The following IPO5 variants were observed in gnomAD, a reference collection of about 807,000 sequenced individuals.
The protein encoded by IPO5 is importin 5.
IPO5 carries 18 observed loss-of-function variants against 143.3 expected under a neutral mutation model. The observed-to-expected ratio is 0.13, with a 90% CI of 0.09 to 0.19. The LOEUF (loss-of-function observed/expected upper bound fraction) is 0.19. IPO5 is among the 10% of genes least tolerant of loss of function. The pLI is 1.00. For missense variants in IPO5, 1,013 were observed against 1,336.9 expected (o/e 0.76, Z 3.78); for synonymous variants, 477 against 465.7 (o/e 1.02, Z -0.31).
rs749524307 is a variant in IPO5 at position 98,002,495 on chromosome 13, G to A, written c.1137G>A (p.Leu379=). 1 of 1,614,072 alleles carries A rather than the reference G, an allele frequency of 6.2e-7. No individual in the cohort carries two copies. Among genetic ancestry groups the A allele is most frequent in the South Asian group, 1.1e-5 (1 of 91,070 alleles). ...NPDWKYRHAG[L]MALSAIGEGC... ...ACTGGAAATACCGGCATGCAGGATT[G>A]ATGGCCTTATCTGCCATTGGTGAAG... The change falls in exon 14 of 29, where the codon TTG becomes TTA. Residue 379 remains leucine (L), a synonymous_variant. Coordinates refer to ENST00000651721, the MANE Select transcript of IPO5 (RefSeq NM_002271.6).
intron 18 of IPO5, 128 bp downstream of exon 18, chr13:98,008,270 T>C: frequency 1.7e-6 from 1 of 588,002 alleles, no homozygotes; most frequent in Middle Eastern, 2.6e-4. Flanking sequence ...GCAGAGACAT[T>C]CTTCACTGAT....
At chr13:98,013,975 T>C in intron 21 of IPO5, 67 bp from the exon 22 acceptor site, 1 of 1,389,036 alleles carries the variant, frequency 7.2e-7, no homozygotes, top group Non-Finnish European at 9.8e-7. Context: ...CTCCTTTTAG[T>C]GCATTGAACC....
Position 98,006,189 on chromosome 13 carries a change from T to C in IPO5, c.1557T>C (p.Val519=). Residue 519 remains valine, a synonymous_variant, in exon 17 of 29, where the codon GTT becomes GTC. Transcript: ENST00000651721. ...AAGTTGTGACATCCATTGCATCAGT[T>C]GCCGATACTGCAGAAGAAAAATTTG... ...LEQVVTSIAS[V]ADTAEEKFVP... 6.2e-7 allele frequency: 1 copy of C among 1,613,952 alleles called. No homozygotes were observed. The highest frequency in any genetic ancestry group is 8.5e-7 in the Non-Finnish European group (1 of 1,179,942).
rs753669810 is a variant in IPO5 at position 98,014,265 on chromosome 13, T to G, written c.2325+51T>G. Reference sequence around the variant, plus strand: ...TGTATAAGGTTGTATGTTCATTTATTAGTCTTGCTAAAAGTAAAAAAAAAA... The same window carrying G: ...TGTATAAGGTTGTATGTTCATTTATGAGTCTTGCTAAAAGTAAAAAAAAAA... On this transcript the variant is annotated intron_variant, in intron 22 of 28. Coordinates refer to ENST00000651721, the MANE Select transcript of IPO5 (RefSeq NM_002271.6). 7 of 1,382,196 alleles carry G rather than the reference T, an allele frequency of 5.1e-6. No individual in the cohort carries two copies. The South Asian group carries it at 6.5e-5, about 13-fold the overall frequency. The allele number at this position is 1,382,196 out of a possible 1,614,324, so 85.6% of individuals were successfully genotyped here. A position where few individuals can be genotyped will look rare whatever the true frequency, so the allele number is the denominator to read the frequency against.
chr13:98,018,625 A>G lies in IPO5; in HGVS notation c.2757A>G (p.Pro919=). The G allele has an allele frequency of 1.9e-6, 3 of 1,614,224 alleles. No homozygotes were observed. Among genetic ancestry groups the G allele is most frequent in the Non-Finnish European group, 2.5e-6 (3 of 1,180,028 alleles). Residue 919 remains proline (P), a synonymous_variant, in exon 26 of 29, where the codon CCA becomes CCG. Coordinates refer to ENST00000651721, the MANE Select transcript of IPO5 (RefSeq NM_002271.6). ...TCCAATATGTATGTGACAACAGCCCAGAAGTCAGGCAAGCAGCTGCATATG... is the reference window on the plus strand; with the variant it reads ...TCCAATATGTATGTGACAACAGCCCGGAAGTCAGGCAAGCAGCTGCATATG... ...PMLQYVCDNS[P]EVRQAAAYGL...
At chr13:98,004,115 C>T (rs1388281247) in intron 16 of IPO5, among the ~76,000 whole-genome samples, 2 of 152,132 alleles carry the variant, frequency 1.3e-5, no homozygotes, top group Non-Finnish European at 1.5e-5. Flanking sequence ...AAATGGATTA[C>T]TACTATAAAA....
chr13:98,004,861 T>A (rs564208896), intron 16 of IPO5, among the ~76,000 whole-genome samples: 179 of 152,216 alleles, frequency 1.2e-3, no homozygotes, highest in African/African-American at 4.1e-3. Flanking sequence ...TGGCTCAGGT[T>A]CATATGAGTT....
rs778303134 is a variant in IPO5, at chr13:97,977,267, C to T, written c.90+481C>T. On this transcript the variant is annotated intron_variant, in intron 4 of 28. Transcript: ENST00000651721. ...CTTCTACCCCTGCTCATCTCCCACA[C>T]CGTCTGTCCCTCTCTTTTTAAATAT... is the stretch of plus-strand genomic sequence containing the variant. 2.0e-5 allele frequency among the ~76,000 whole-genome samples: 3 copies of T among 152,220 alleles called. No homozygotes were observed. The South Asian group carries it at 6.2e-4, about 32-fold the overall frequency.
intron 20 of IPO5, among the ~76,000 whole-genome samples, chr13:98,011,808 ATT>A (rs1047435891): frequency 7.2e-5 from 11 of 152,166 alleles, no homozygotes; most frequent in African/African-American, 2.7e-4. Flanking sequence ...CCCAGCCATG[ATT>A]TTTTAAAAAT....
intron 2 of IPO5, among the ~76,000 whole-genome samples, chr13:97,968,789 C>T (rs1384527474): frequency 6.6e-6 from 1 of 152,002 alleles, no homozygotes; most frequent in Non-Finnish European, 1.5e-5. Context: ...CTCCCAGGTT[C>T]AAACAGTTCT....
At chr13:97,958,686 A>G (rs1040173892) in intron 2 of IPO5, among the ~76,000 whole-genome samples, 2 of 151,868 alleles carry the variant, frequency 1.3e-5, no homozygotes, top group Admixed American at 1.3e-4. Flanking sequence ...AAAAAAAAGA[A>G]AGAAAGAGAA....
chr13:97,964,389 T>C (rs968182116), intron 2 of IPO5, among the ~76,000 whole-genome samples: 3 of 151,704 alleles, frequency 2.0e-5, no homozygotes, highest in Non-Finnish European at 4.4e-5. Flanking sequence ...AAGGAATGGG[T>C]CCAGTTTGTG....
chr13:97,968,877 C>T (rs1378070115), intron 2 of IPO5, among the ~76,000 whole-genome samples: 3 of 151,788 alleles, frequency 2.0e-5, no homozygotes, highest in Non-Finnish European at 2.9e-5. Context: ...TTAGTAGAGA[C>T]GGGGTTTCAC....
At chr13:97,999,032 A>G (rs906836489) in intron 12 of IPO5, among the ~76,000 whole-genome samples, 4 of 152,086 alleles carry the variant, frequency 2.6e-5, no homozygotes, top group African/African-American at 9.7e-5. Context: ...AATGCCAGCT[A>G]CTCGGGAAGC....
At chr13:97,964,074 T>G (rs926848072) in intron 2 of IPO5, among the ~76,000 whole-genome samples, 1 of 152,190 alleles carries the variant, frequency 6.6e-6, no homozygotes, top group African/African-American at 2.4e-5. Context: ...TTTAAGTTAT[T>G]TGTAGATTCT....
chr13:97,967,938 T>C (rs1443408496), intron 2 of IPO5, among the ~76,000 whole-genome samples: 5 of 152,082 alleles, frequency 3.3e-5, no homozygotes, highest in African/African-American at 7.2e-5. Flanking sequence ...GCTCAAAGTA[T>C]TTTCTAATTT....
intron 2 of IPO5, among the ~76,000 whole-genome samples, chr13:97,964,641 G>A (rs1286349236): frequency 6.6e-6 from 1 of 151,670 alleles, no homozygotes; most frequent in Non-Finnish European, 1.5e-5. Flanking sequence ...AGTAGAGACG[G>A]GGTTTCACCG....
intron 21 of IPO5, among the ~76,000 whole-genome samples, chr13:98,013,284 G>A (rs1257338378): frequency 6.6e-6 from 1 of 152,060 alleles, no homozygotes; most frequent in Non-Finnish European, 1.5e-5. Flanking sequence ...TCACCACGTT[G>A]GCCAGGCAGG....
At position 97,967,825 on chromosome 13, in the gene IPO5, G is replaced by A. The variant is rs188694764; in HGVS notation, c.-112-1898G>A. ...TTTTTGTATTTTTAGCAGAGACGGC[G>A]TTTCACCATGTTAGCCAGGATGGTC... On this transcript the variant is annotated intron_variant, in intron 2 of 28. Transcript: ENST00000651721. 8.5e-5 allele frequency among the ~76,000 whole-genome samples: 13 copies of A among 152,210 alleles called. No homozygotes were observed. In the East Asian group the frequency reaches 2.1e-3, roughly 25 times the overall value.
Sources: allele counts gnomAD v4.1 joint callset (sites outside exome capture counted in the v4.1 genomes callset), GRCh38; gene constraint gnomAD v4.1.1; transcripts MANE v1.5; gene names NCBI Gene and HGNC (gene_info 2026-07-23, HGNC 2026-07-21).